SPATA21: variants seen among roughly 807,000 people sequenced by gnomAD.
SPATA21 encodes spermatogenesis associated 21, also known as spermatogenesis-associated protein 21.
In SPATA21, 47 loss-of-function variants were observed where a neutral mutation model predicts 54.8. The observed-to-expected ratio is 0.86, with a 90% confidence interval of 0.68 to 1.09. SPATA21 has a LOEUF of 1.09. Among genes scored for constraint, SPATA21 ranks in the 50% least tolerant of loss-of-function variants. The probability of loss-of-function intolerance (pLI) is 0.00; values close to 1 mark genes in which losing one functional copy is unlikely to be tolerated. For synonymous variants in SPATA21, 245 were observed against 235.3 expected, an observed-to-expected ratio of 1.04 and a Z score of -0.38; for missense variants, 599 against 596.4, an observed-to-expected ratio of 1.00 and a Z score of -0.05.
At chr1:16,404,604 TCC>T (rs2085568589) in intron 8 of SPATA21, among the ~76,000 whole-genome samples, 1 of 151,836 alleles carries the variant, frequency 6.6e-6, no homozygotes, top group Non-Finnish European at 1.5e-5. Flanking sequence ...ATTCCTTGAG[TCC>T]AGGAGTTTGA....
intron 5 of SPATA21, among the ~76,000 whole-genome samples, chr1:16,412,263 T>C (rs2085873504): frequency 1.3e-5 from 2 of 152,064 alleles, no homozygotes; most frequent in Admixed American, 6.6e-5. Context: ...TCCTTCCGAA[T>C]ACCAGATGTC....
At position 16,428,328 on chromosome 1, in the gene SPATA21, G is replaced by T. The variant is rs1228638204; in HGVS notation, c.34+3010C>A. ...CTGGGGGACCCCAAGACTCTCACAA[G>T]GTCCAAGAGACGCCTTCAACAATTC... On this transcript the variant is annotated intron_variant, in intron 3 of 12. Coordinates refer to ENST00000335496, the MANE Select transcript of SPATA21 (RefSeq NM_198546.1). This position sits in a 1 kb window ranked among gnomAD's most constrained non-coding sequence, Gnocchi z 4.3. Among the ~76,000 whole-genome samples, 2 of 152,174 alleles carry T rather than the reference G, an allele frequency of 1.3e-5. No individual in the cohort carries two copies. Among genetic ancestry groups the T allele is most frequent in the Non-Finnish European group, 2.9e-5 (2 of 68,022 alleles).
chr1:16,429,864 G>C (rs911912357), intron 3 of SPATA21, among the ~76,000 whole-genome samples: 2 of 150,160 alleles, frequency 1.3e-5, no homozygotes, highest in Non-Finnish European at 3.0e-5. Flanking sequence ...ATGCTACTTG[G>C]CACATTCAAA....
intron 1 of SPATA21, among the ~76,000 whole-genome samples, chr1:16,436,281 G>A (rs1254238865): frequency 6.6e-6 from 1 of 151,968 alleles, no homozygotes; most frequent in Non-Finnish European, 1.5e-5. Context: ...AGCTAGTCAG[G>A]AGGCTGAGGC....
At position 16,410,005 on chromosome 1, in the gene SPATA21, A is replaced by T; in HGVS notation, c.183T>A (p.Arg61=). ...RDIGERREPD[R]AQQQPQKPAV... ...CGGGCTTCTGAGGCTGCTGCTGCGC[A>T]CGGTCTGGCTCCCGCCTCTCTCCAA... Residue 61 remains arginine (R), a synonymous_variant, in exon 6 of 13, where the codon CGT becomes CGA. Coordinates refer to ENST00000335496, the MANE Select transcript of SPATA21 (RefSeq NM_198546.1). 1 of 1,586,828 alleles carries T rather than the reference A, an allele frequency of 6.3e-7. No homozygotes were observed. Among genetic ancestry groups the T allele is most frequent in the Non-Finnish European group, 8.6e-7 (1 of 1,167,564 alleles).
intron 11 of SPATA21, chr1:16,400,419 C>T (rs2085408621): frequency 9.2e-6 from 10 of 1,092,118 alleles, no homozygotes; most frequent in Non-Finnish European, 1.0e-5. Context: ...ACTCAATAAA[C>T]AGTGAGCTGG....
At chr1:16,403,483 CTTTTTTTTCTTTTTT>C (rs2085519105) in intron 10 of SPATA21, among the ~76,000 whole-genome samples, 1 of 117,118 alleles carries the variant, frequency 8.5e-6, no homozygotes, top group African/African-American at 2.9e-5. Context: ...TAGTTTTTTT[CTTTTTTTTCTTTTTT>C]TTTTTTTTGA....
In SPATA21 at chr1:16,421,314, C is replaced by CACACAG. The variant is rs1357117977; in HGVS notation, c.144+189_144+194dup. Among the ~76,000 whole-genome samples the CACACAG allele has an allele frequency of 1.3e-5, 2 of 151,344 alleles. No homozygotes were observed. Among genetic ancestry groups the CACACAG allele is most frequent in the African/African-American group, 2.5e-5 (1 of 40,642 alleles). On this transcript the variant is annotated intron_variant, in intron 5 of 12. Transcript: ENST00000335496. The surrounding 1 kb of genome is among the most constrained non-coding windows in gnomAD (Gnocchi z 5.2). ...CACCCAGAATACACACACATGCATA[C>CACACAG]ACACAGGCACAGGCACACACACACA...
At chr1:16,399,626 T>A in intron 11 of SPATA21, 105 bp from the exon 12 acceptor site, 1 of 1,327,826 alleles carries the variant, frequency 7.5e-7, no homozygotes, top group Non-Finnish European at 1.0e-6. Flanking sequence ...ATGACCTGAG[T>A]GGTTTGGGGC....
intron 7 of SPATA21, 100 bp from the exon 8 acceptor site, chr1:16,405,204 A>G (rs924497487): frequency 6.8e-5 from 101 of 1,494,650 alleles, no homozygotes; most frequent in Admixed American, 1.8e-4. Flanking sequence ...TCCACCATCA[A>G]AAGTGAAAAT....
Position 16,400,905 on chromosome 1 carries a change from T to G in SPATA21, c.1002-13A>C. On this transcript the variant is annotated splice_polypyrimidine_tract_variant and intron_variant, in intron 10 of 12. Transcript: ENST00000335496. ...TTTCTGGTAGTAGCTGGGGAGGCAG[T>G]GCCCACCCATCTCAGCCTGGCTGTG... is the stretch of plus-strand genomic sequence containing the variant. The G allele has an allele frequency of 6.2e-7, 1 of 1,609,916 alleles. No homozygotes were observed. Among genetic ancestry groups the G allele is most frequent in the Non-Finnish European group, 8.5e-7 (1 of 1,177,912 alleles).
Position 16,398,664 on chromosome 1 carries a change from G to A in SPATA21, c.*101C>T. Reference sequence around the variant, plus strand: ...AGGCTGAAGTTATTGGTGTTTATTAGCTCACCAGGCCACAAAAGCAAATCC... The same window carrying A: ...AGGCTGAAGTTATTGGTGTTTATTAACTCACCAGGCCACAAAAGCAAATCC... On this transcript the variant is annotated 3_prime_UTR_variant, in exon 13 of 13. Coordinates refer to ENST00000335496, the MANE Select transcript of SPATA21 (RefSeq NM_198546.1). The A allele has an allele frequency of 7.5e-7, 1 of 1,328,432 alleles. No individual in the cohort carries two copies. Among genetic ancestry groups the A allele is most frequent in the Non-Finnish European group, 1.1e-6 (1 of 933,726 alleles). The allele number at this position is 1,328,432 out of a possible 1,614,324, so 82.3% of individuals were successfully genotyped here. A position where few individuals can be genotyped will look rare whatever the true frequency, so the allele number is the denominator to read the frequency against.
chr1:16,405,897 C>A (rs2085626137), intron 7 of SPATA21, among the ~76,000 whole-genome samples: 1 of 152,160 alleles, frequency 6.6e-6, no homozygotes, highest in South Asian at 2.1e-4. Context: ...GCCTCAGTTT[C>A]CCCATTGTTA....
intron 5 of SPATA21, among the ~76,000 whole-genome samples, chr1:16,420,759 T>A (rs1005112182): frequency 3.9e-5 from 6 of 152,036 alleles, no homozygotes; most frequent in Middle Eastern, 3.2e-3. Flanking sequence ...CATCTGATGC[T>A]TCTGTTTGTC....
chr1:16,436,743 G>T (rs2086595114), intron 1 of SPATA21, among the ~76,000 whole-genome samples: 2 of 151,106 alleles, frequency 1.3e-5, no homozygotes, highest in South Asian at 4.2e-4. Flanking sequence ...GCCAGCCTGG[G>T]CAACAGAGCA....
At chr1:16,406,813 A>C (rs756859634) in intron 7 of SPATA21, among the ~76,000 whole-genome samples, 39 of 152,194 alleles carry the variant, frequency 2.6e-4, no homozygotes, top group Non-Finnish European at 5.0e-4. Flanking sequence ...TTCACAGATG[A>C]AAGACCATAT....
rs553100543 is a variant in SPATA21, at chr1:16,426,000, G to A, written c.35-4029C>T. Among the ~76,000 whole-genome samples, 4 of 151,400 alleles carry A rather than the reference G, an allele frequency of 2.6e-5. No individual in the cohort carries two copies. In the South Asian group the frequency reaches 6.3e-4, roughly 24 times the overall value. On this transcript the variant is annotated intron_variant, in intron 3 of 12. Coordinates refer to ENST00000335496, the MANE Select transcript of SPATA21 (RefSeq NM_198546.1). Reference sequence around the variant, plus strand: ...CTGGGCTCAAGCAATCTTCGACCTCGGCCTCCCAAAGTGCTGGGATTAGAG... The same window carrying A: ...CTGGGCTCAAGCAATCTTCGACCTCAGCCTCCCAAAGTGCTGGGATTAGAG...
intron 3 of SPATA21, among the ~76,000 whole-genome samples, chr1:16,429,608 G>A (rs2086407557): frequency 1.3e-5 from 2 of 151,924 alleles, no homozygotes; most frequent in South Asian, 4.2e-4. Context: ...CCAAGTTGCT[G>A]GGATTACAGG....
Position 16,410,006 on chromosome 1 carries a change from C to CG in SPATA21, c.181dup (p.Arg61ProfsTer171), listed in dbSNP as rs1156680879. On this transcript the variant is annotated frameshift_variant, in exon 6 of 13. Coordinates refer to ENST00000335496, the MANE Select transcript of SPATA21 (RefSeq NM_198546.1). LOFTEE classifies it high-confidence loss of function. Reference sequence around the variant, plus strand: ...GGGCTTCTGAGGCTGCTGCTGCGCACGGTCTGGCTCCCGCCTCTCTCCAAT... The same window carrying CG: ...GGGCTTCTGAGGCTGCTGCTGCGCACGGGTCTGGCTCCCGCCTCTCTCCAAT... 1 of 1,581,668 alleles carries CG rather than the reference C, an allele frequency of 6.3e-7. No homozygotes were observed. The highest frequency in any genetic ancestry group is 8.6e-7 in the Non-Finnish European group (1 of 1,165,928).
Sources: gnomAD v4.1 joint callset for allele counts (sites outside exome capture counted in the v4.1 genomes callset) on GRCh38, gnomAD v4.1.1 for gene constraint, Gnocchi (gnomAD v3.1) non-coding constraint, MANE v1.5 for transcripts, NCBI Gene and HGNC (gene_info 2026-07-23, HGNC 2026-07-21) for gene names.